AGPAT4: variants seen among roughly 807,000 people sequenced by gnomAD.
AGPAT4 encodes the protein 1-acyl-sn-glycerol-3-phosphate acyltransferase delta.
In AGPAT4, 15 loss-of-function variants were observed where a neutral mutation model predicts 48.0. The ratio of observed to expected loss-of-function variants is 0.31; its 90% CI spans 0.21 to 0.48. AGPAT4 has a LOEUF of 0.48. AGPAT4 is among the 20% of genes least tolerant of loss of function. The probability of loss-of-function intolerance (pLI) is 0.99; values close to 1 mark genes in which losing one functional copy is unlikely to be tolerated. For synonymous variants in AGPAT4, 178 were observed against 198.7 expected, an observed-to-expected ratio of 0.90 and a Z score of 0.88; for missense variants, 314 against 482.5, an observed-to-expected ratio of 0.65 and a Z score of 3.27.
chr6:161,179,054 A>G (rs1780509325), intron 2 of AGPAT4, among the ~76,000 whole-genome samples: 1 of 152,164 alleles, frequency 6.6e-6, no homozygotes, highest in Admixed American at 6.5e-5. Context: ...TTGCTATTTA[A>G]CCATTGCCTG....
chr6:161,252,815 T>C (rs990258266), intron 1 of AGPAT4, among the ~76,000 whole-genome samples: 5 of 148,126 alleles, frequency 3.4e-5, no homozygotes, highest in East Asian at 4.1e-4. Flanking sequence ...GTCTCAAAAA[T>C]AAAGAAAATA....
Position 161,148,481 on chromosome 6 carries a change from G to A in AGPAT4, c.767+706C>T, listed in dbSNP as rs574526832. Among the ~76,000 whole-genome samples, 14 of 152,288 alleles carry A rather than the reference G, an allele frequency of 9.2e-5. No homozygotes were observed. The highest frequency in any genetic ancestry group is 7.8e-4 in the Admixed American group (12 of 15,304). On this transcript the variant is annotated intron_variant, in intron 6 of 8. Transcript: ENST00000320285. This position sits in a 1 kb window ranked among gnomAD's most constrained non-coding sequence, Gnocchi z 5.5. ...GCTTCTGTAAGGTCTTGAATCAGAAGGTTATACGCCCCTGGATTAGTTCTC... is the reference window on the plus strand; with the variant it reads ...GCTTCTGTAAGGTCTTGAATCAGAAAGTTATACGCCCCTGGATTAGTTCTC...
Position 161,140,265 on chromosome 6 carries a change from C to G in AGPAT4, c.844-645G>C, listed in dbSNP as rs1779208112. Among the ~76,000 whole-genome samples, 1 of 152,202 alleles carries G rather than the reference C, an allele frequency of 6.6e-6. No homozygotes were observed. Among genetic ancestry groups the G allele is most frequent in the African/African-American group, 2.4e-5 (1 of 41,442 alleles). ...TGGCTCTCAGAGGTGACAGCACACTCAGGACTGGGTGTCCAGGGTGACTCT... is the reference window on the plus strand; with the variant it reads ...TGGCTCTCAGAGGTGACAGCACACTGAGGACTGGGTGTCCAGGGTGACTCT... On this transcript the variant is annotated intron_variant, in intron 7 of 8. Coordinates refer to ENST00000320285, the MANE Select transcript of AGPAT4 (RefSeq NM_020133.3). The surrounding 1 kb of genome is among the most constrained non-coding windows in gnomAD (Gnocchi z 6.5).
Position 161,149,028 on chromosome 6 carries a change from A to T in AGPAT4, c.767+159T>A. 1.7e-6 allele frequency: 1 copy of T among 602,466 alleles called. No homozygotes were observed. The highest frequency in any genetic ancestry group is 2.0e-5 in the African/African-American group (1 of 49,384). 37.3% of individuals were successfully genotyped at this position (602,466 alleles called of 1,614,324 possible). On this transcript the variant is annotated intron_variant, in intron 6 of 8. Coordinates refer to ENST00000320285, the MANE Select transcript of AGPAT4 (RefSeq NM_020133.3). The surrounding 1 kb of genome is among the most constrained non-coding windows in gnomAD (Gnocchi z 6.5). ...CTGGGACGGAAGGAGACTTCAGCAG[A>T]TCATTCCAATAGTAGGATGTGTCAA...
chr6:161,188,546 A>G (rs1477750983), intron 2 of AGPAT4, among the ~76,000 whole-genome samples: 5 of 152,182 alleles, frequency 3.3e-5, no homozygotes. Context: ...ATTACACTTT[A>G]TTTTTTAGCA....
At position 161,251,750 on chromosome 6, in the gene AGPAT4, C is replaced by T. The variant is rs372331709; in HGVS notation, c.-89-19448G>A. Among the ~76,000 whole-genome samples the T allele has an allele frequency of 3.6e-4, 55 of 152,134 alleles. No individual in the cohort carries two copies. Among genetic ancestry groups the T allele is most frequent in the African/African-American group, 1.2e-3 (51 of 41,412 alleles). Reference sequence around the variant, plus strand: ...ACGTTTCCCATTCAAACATGGGAGACGTGCTCTTGATACACATAAGGGCAT... The same window carrying T: ...ACGTTTCCCATTCAAACATGGGAGATGTGCTCTTGATACACATAAGGGCAT... On this transcript the variant is annotated intron_variant, in intron 1 of 8. Transcript: ENST00000320285. This position sits in a 1 kb window ranked among gnomAD's most constrained non-coding sequence, Gnocchi z 4.6.
rs1778903391 is a variant in AGPAT4, at chr6:161,131,663, C to CTATG, written c.*4873_*4876dup. ...GATGGGACTCCAATGAGGAGACACA[C>CTATG]TATGTAGGTGCAATTTCTGATTTCT... On this transcript the variant is annotated 3_prime_UTR_variant, in exon 9 of 9. Transcript: ENST00000320285. 6.6e-6 allele frequency: 1 copy of CTATG among 152,166 alleles called. No individual in the cohort carries two copies. Among genetic ancestry groups the CTATG allele is most frequent in the African/African-American group, 2.4e-5 (1 of 41,430 alleles). 9.4% of individuals were successfully genotyped at this position (152,166 alleles called of 1,614,324 possible).
chr6:161,158,238 C>T lies in AGPAT4; in HGVS notation c.349-3928G>A, dbSNP rs188139306. Among the ~76,000 whole-genome samples the T allele has an allele frequency of 1.8e-3, 271 of 152,256 alleles. 1 individual carries two copies. Among genetic ancestry groups the T allele is most frequent in the Non-Finnish European group, 7.4e-4 (50 of 68,026 alleles). On this transcript the variant is annotated intron_variant, in intron 3 of 8. Coordinates refer to ENST00000320285, the MANE Select transcript of AGPAT4 (RefSeq NM_020133.3). The surrounding 1 kb of genome is among the most constrained non-coding windows in gnomAD (Gnocchi z 5.3). ...TGCTATTAAGACATACTGACAGTTC[C>T]CCCGGCAAAAGGTTCAATAGGCTAT...
chr6:161,272,705 A>AACACACACACACACACACACACAC lies in AGPAT4; in HGVS notation c.-90+1209_-90+1232dup, dbSNP rs3043142. ...TCCCTGCCCGCCTCCCATTTCCCTA[A>AACACACACACACACACACACACAC]ACACACACACACACACACACACACA... On this transcript the variant is annotated intron_variant, in intron 1 of 8. Coordinates refer to ENST00000320285, the MANE Select transcript of AGPAT4 (RefSeq NM_020133.3). The surrounding 1 kb of genome is among the most constrained non-coding windows in gnomAD (Gnocchi z 4.2). Among the ~76,000 whole-genome samples the AACACACACACACACACACACACAC allele has an allele frequency of 2.7e-5, 4 of 147,084 alleles. No homozygotes were observed. The highest frequency in any genetic ancestry group is 1.0e-4 in the African/African-American group (4 of 39,804).
chr6:161,258,991 T>A (rs1216118862), intron 1 of AGPAT4, among the ~76,000 whole-genome samples: 1 of 151,920 alleles, frequency 6.6e-6, no homozygotes, highest in East Asian at 1.9e-4. Context: ...AGAGACAGGG[T>A]TTCATCATAC....
rs1779171808 is a variant in AGPAT4 at position 161,139,211 on chromosome 6, T to C, written c.1042+211A>G. Among the ~76,000 whole-genome samples, 1 of 152,170 alleles carries C rather than the reference T, an allele frequency of 6.6e-6. No individual in the cohort carries two copies. Among genetic ancestry groups the C allele is most frequent in the African/African-American group, 2.4e-5 (1 of 41,434 alleles). On this transcript the variant is annotated intron_variant, in intron 8 of 8. Coordinates refer to ENST00000320285, the MANE Select transcript of AGPAT4 (RefSeq NM_020133.3). This position sits in a 1 kb window ranked among gnomAD's most constrained non-coding sequence, Gnocchi z 9.1. ...TGGAATCCAGCCCCAGGTGGGAGGCTGGACCGTCCAGGCTGCGGAGGGGGT... is the reference window on the plus strand; with the variant it reads ...TGGAATCCAGCCCCAGGTGGGAGGCCGGACCGTCCAGGCTGCGGAGGGGGT...
rs1779129721 is a variant in AGPAT4 at position 161,138,051 on chromosome 6, G to C, written c.1042+1371C>G. ...GTGTGTGTGTGCCTTGCTGTTGCCT[G>C]CTATTGAAGCAGAAGGGTTGAGCTT... is the stretch of plus-strand genomic sequence containing the variant. On this transcript the variant is annotated intron_variant, in intron 8 of 8. Transcript: ENST00000320285. The surrounding 1 kb of genome is among the most constrained non-coding windows in gnomAD (Gnocchi z 4.8). 6.6e-6 allele frequency among the ~76,000 whole-genome samples: 1 copy of C among 152,202 alleles called. No homozygotes were observed. The highest frequency in any genetic ancestry group is 2.4e-5 in the African/African-American group (1 of 41,454).
In AGPAT4 at chr6:161,216,038, C is replaced by T. The variant is rs182962643; in HGVS notation, c.178+15998G>A. ...TCTTAACCGCACCATGTCCAGTTGA[C>T]GAGGATTAAAGAAAACAAACAAAAA... On this transcript the variant is annotated intron_variant, in intron 2 of 8. Coordinates refer to ENST00000320285, the MANE Select transcript of AGPAT4 (RefSeq NM_020133.3). This position sits in a 1 kb window ranked among gnomAD's most constrained non-coding sequence, Gnocchi z 4.8. Among the ~76,000 whole-genome samples the T allele has an allele frequency of 2.6e-5, 4 of 152,248 alleles. No individual in the cohort carries two copies. Among genetic ancestry groups the T allele is most frequent in the Non-Finnish European group, 4.4e-5 (3 of 68,008 alleles).
At position 161,155,454 on chromosome 6, in the gene AGPAT4, C is replaced by T. The variant is rs1779743573; in HGVS notation, c.349-1144G>A. ...CTCTCTCCTCTCCTCCCCGTTACAC[C>T]CATGCCTCTCCGCAGCTCCAGCTCA... On this transcript the variant is annotated intron_variant, in intron 3 of 8. Transcript: ENST00000320285. This position sits in a 1 kb window ranked among gnomAD's most constrained non-coding sequence, Gnocchi z 5.8. 6.6e-6 allele frequency among the ~76,000 whole-genome samples: 1 copy of T among 152,142 alleles called. No individual in the cohort carries two copies. The highest frequency in any genetic ancestry group is 1.5e-5 in the Non-Finnish European group (1 of 68,020).
At chr6:161,258,108 T>G (rs1226749373) in intron 1 of AGPAT4, among the ~76,000 whole-genome samples, 1 of 152,218 alleles carries the variant, frequency 6.6e-6, no homozygotes, top group Non-Finnish European at 1.5e-5. Context: ...GTATTTACAC[T>G]TCTCAACTTT....
In AGPAT4 at chr6:161,196,356, T is replaced by C. The variant is rs13192827; in HGVS notation, c.179-29939A>G. On this transcript the variant is annotated intron_variant, in intron 2 of 8. Transcript: ENST00000320285. The surrounding 1 kb of genome is among the most constrained non-coding windows in gnomAD (Gnocchi z 4.3). ...AGGCAGTCAGGGCAAACCCAACAGA[T>C]AAGTCACATCAAATAACACCTAGTG... Among the ~76,000 whole-genome samples the C allele has an allele frequency of 0.19, 28,763 of 151,998 alleles. 5,068 individuals are homozygous for C. Among genetic ancestry groups the C allele is most frequent in the African/African-American group, 0.47 (19,477 of 41,426 alleles).
In AGPAT4 at chr6:161,216,392, A is replaced by G. The variant is rs1781648124; in HGVS notation, c.178+15644T>C. ...TCCAGGATGACAGACAACCTCTGCA[A>G]CTGCCTTCTACAATCTTCAGGCTCA... On this transcript the variant is annotated intron_variant, in intron 2 of 8. Transcript: ENST00000320285. The surrounding 1 kb of genome is among the most constrained non-coding windows in gnomAD (Gnocchi z 4.8). Among the ~76,000 whole-genome samples the G allele has an allele frequency of 6.6e-6, 1 of 152,212 alleles. No homozygotes were observed. The highest frequency in any genetic ancestry group is 2.4e-5 in the African/African-American group (1 of 41,450).
intron 2 of AGPAT4, among the ~76,000 whole-genome samples, chr6:161,211,025 C>G (rs1035324059): frequency 6.6e-6 from 1 of 152,156 alleles, no homozygotes. Flanking sequence ...TTGGCCTATG[C>G]CCAGGAATGA....
In AGPAT4 at chr6:161,229,283, T is replaced by C. The variant is rs1481972795; in HGVS notation, c.178+2753A>G. Among the ~76,000 whole-genome samples, 8 of 152,122 alleles carry C rather than the reference T, an allele frequency of 5.3e-5. No homozygotes were observed. Among genetic ancestry groups the C allele is most frequent in the African/African-American group, 1.9e-4 (8 of 41,426 alleles). ...TGCAAATCATGAATGCTGATGACTG[T>C]CTAAGCTCAGAGTGACTCATACACC... is the stretch of plus-strand genomic sequence containing the variant. On this transcript the variant is annotated intron_variant, in intron 2 of 8. Coordinates refer to ENST00000320285, the MANE Select transcript of AGPAT4 (RefSeq NM_020133.3). The surrounding 1 kb of genome is among the most constrained non-coding windows in gnomAD (Gnocchi z 6.0).
Sources: gnomAD v4.1 joint callset for allele counts (sites outside exome capture counted in the v4.1 genomes callset) on GRCh38, gnomAD v4.1.1 for gene constraint, Gnocchi (gnomAD v3.1) non-coding constraint, MANE v1.5 for transcripts, NCBI Gene and HGNC (gene_info 2026-07-23, HGNC 2026-07-21) for gene names.